The following KLHL15 variants were observed in gnomAD, a reference collection of about 807,000 sequenced individuals.
KLHL15 encodes the protein kelch like family member 15.
Under a neutral mutation model 29.3 loss-of-function variants are expected in KLHL15, and 1 was observed. The observed-to-expected ratio is 0.03, with a 90% CI of 0.01 to 0.16. KLHL15 has a LOEUF of 0.16. KLHL15 is among the 10% of genes least tolerant of loss of function. The probability of loss-of-function intolerance (pLI) is 1.00; values close to 1 mark genes in which losing one functional copy is unlikely to be tolerated. For missense variants in KLHL15, 215 were observed against 478.5 expected (o/e 0.45, Z 5.14); for synonymous variants, 212 against 184.5 (o/e 1.15, Z -1.21).
chrX:24,009,044 C>T (rs1205224004), intron 2 of KLHL15, among the ~76,000 whole-genome samples: 2 of 111,406 alleles, frequency 1.8e-5, no homozygotes, highest in South Asian at 3.7e-4. Flanking sequence ...TGATCAATCA[C>T]TCTCAAACAT....
At chrX:24,004,297 A>G (rs555761892) in intron 3 of KLHL15, among the ~76,000 whole-genome samples, 4 of 111,115 alleles carry the variant, frequency 3.6e-5, no homozygotes, top group African/African-American at 9.8e-5. Flanking sequence ...TGGAGGCTGC[A>G]GTGAGCTGAG....
chrX:24,026,583 C>T (rs751332419), intron 1 of KLHL15, among the ~76,000 whole-genome samples: 21 of 102,264 alleles, frequency 2.1e-4, no homozygotes, highest in Non-Finnish European at 4.2e-4. Context: ...CCACCCCCCG[C>T]CGCCATTTTC....
At position 24,025,436 on chromosome X, in the gene KLHL15, G is replaced by A. The variant is rs1171765215; in HGVS notation, c.-209-378C>T. Among the ~76,000 whole-genome samples the A allele has an allele frequency of 2.5e-4, 26 of 105,965 alleles. No individual in the cohort carries two copies. The Admixed American group carries it at 2.5e-3, about 10-fold the overall frequency. 92.0% of individuals were successfully genotyped at this position (105,965 alleles called of 115,157 possible). Reference sequence around the variant, plus strand: ...CCCTGCGGGCCGCGGGAGCCGCCCGGGGCCCGCCCAGGGAGGCGGGGCTGG... The same window carrying A: ...CCCTGCGGGCCGCGGGAGCCGCCCGAGGCCCGCCCAGGGAGGCGGGGCTGG... On this transcript the variant is annotated intron_variant, in intron 1 of 3. Coordinates refer to ENST00000328046, the MANE Select transcript of KLHL15 (RefSeq NM_030624.3).
At chrX:23,999,467 C>A (rs1281332122) in intron 3 of KLHL15, among the ~76,000 whole-genome samples, 1 of 108,213 alleles carries the variant, frequency 9.2e-6, no homozygotes, top group Non-Finnish European at 1.9e-5. Flanking sequence ...CGGTGGCGGG[C>A]GCCTGTAATC....
chrX:24,023,730 G>A (rs745887058), intron 2 of KLHL15, among the ~76,000 whole-genome samples: 1 of 112,039 alleles, frequency 8.9e-6, no homozygotes, highest in Non-Finnish European at 1.9e-5. Flanking sequence ...CTCTACCACT[G>A]ATAAACTGTG....
rs10693389 is a variant in KLHL15 at position 24,003,647 on chromosome X, A to ATGTG, written c.705+2338_705+2341dup. Among the ~76,000 whole-genome samples, 468 of 96,467 alleles carry ATGTG rather than the reference A, an allele frequency of 4.9e-3. 2 individuals carry two copies. Among genetic ancestry groups the ATGTG allele is most frequent in the Non-Finnish European group, 6.4e-3 (313 of 49,173 alleles). The allele number at this position is 96,467 out of a possible 115,157, so 83.8% of individuals were successfully genotyped here. A position where few individuals can be genotyped will look rare whatever the true frequency, so the allele number is the denominator to read the frequency against. Reference sequence around the variant, plus strand: ...TTAGTACATGACCTAGCATAAATATATGTGTGTGTGTGTGTGTGTGTGTGT... The same window carrying ATGTG: ...TTAGTACATGACCTAGCATAAATATATGTGTGTGTGTGTGTGTGTGTGTGTGTGT... On this transcript the variant is annotated intron_variant, in intron 3 of 3. Transcript: ENST00000328046.
chrX:24,012,979 GGTCT>G (rs1395148429), intron 2 of KLHL15, among the ~76,000 whole-genome samples: 2 of 110,962 alleles, frequency 1.8e-5, no homozygotes, highest in African/African-American at 6.6e-5. Flanking sequence ...GAACACAAGA[GGTCT>G]ATCTATAATT....
chrX:23,983,926 C>T lies in KLHL15; in HGVS notation c.*3995G>A, dbSNP rs1389144643. On this transcript the variant is annotated 3_prime_UTR_variant, in exon 4 of 4. Transcript: ENST00000328046. ...ATTATTCTAAGATTTTTATATCGGC[C>T]CTAGGATTATTTGACTACTGGCCCA... 9.0e-6 allele frequency: 1 copy of T among 110,778 alleles called. No individual in the cohort carries two copies. The highest frequency in any genetic ancestry group is 3.3e-5 in the African/African-American group (1 of 30,488). 9.1% of individuals were successfully genotyped at this position (110,778 alleles called of 1,213,427 possible).
intron 3 of KLHL15, 42 bp downstream of exon 3, chrX:24,005,947 A>G: frequency 4.9e-6 from 5 of 1,024,600 alleles, no homozygotes; most frequent in Non-Finnish European, 5.4e-6. Context: ...CACTGCCTTA[A>G]CTAAATGATG....
chrX:24,012,949 T>A (rs1312976965), intron 2 of KLHL15, among the ~76,000 whole-genome samples: 2 of 111,778 alleles, frequency 1.8e-5, no homozygotes, highest in African/African-American at 3.3e-5. Flanking sequence ...GAAAGCTATA[T>A]CATTTCATTT....
intron 3 of KLHL15, among the ~76,000 whole-genome samples, chrX:24,000,901 A>G (rs367978863): frequency 8.9e-6 from 1 of 112,694 alleles, no homozygotes; most frequent in East Asian, 2.8e-4. Context: ...GCATGAGATT[A>G]TATTAAGGAC....
intron 3 of KLHL15, among the ~76,000 whole-genome samples, chrX:23,998,263 T>C (rs183810093): frequency 4.4e-4 from 47 of 106,138 alleles, no homozygotes; most frequent in Middle Eastern, 0.011. Flanking sequence ...GCCCAGCAAT[T>C]TTTGTGTGTG....
chrX:24,025,231 G>A (rs1446631279), intron 1 of KLHL15, among the ~76,000 whole-genome samples, 173 bp from the exon 2 acceptor site: 2 of 111,716 alleles, frequency 1.8e-5, no homozygotes, highest in Non-Finnish European at 3.8e-5. Flanking sequence ...CTGGGGGGCA[G>A]CAGGCAGAGA....
chrX:23,990,880 A>T (rs754553999), intron 3 of KLHL15, among the ~76,000 whole-genome samples: 1 of 111,135 alleles, frequency 9.0e-6, no homozygotes, highest in South Asian at 3.8e-4. Flanking sequence ...AAAAAACGTC[A>T]CAAATTTAAG....
chrX:23,988,535 T>C lies in KLHL15; in HGVS notation c.1201A>G (p.Ile401Val). Residue 401 changes from isoleucine to valine, a missense_variant, in exon 4 of 4, where the codon ATC becomes GTC. Transcript: ENST00000328046. ...ETFYSTERYD[I>V]TNDKWEFVDP... Reference sequence around the variant, plus strand: ...ACAAATTCCCATTTATCGTTGGTGATGTCATATCTCTCAGTTGAATAGAAA... The same window carrying C: ...ACAAATTCCCATTTATCGTTGGTGACGTCATATCTCTCAGTTGAATAGAAA... 1 of 1,212,040 alleles carries C rather than the reference T, an allele frequency of 8.3e-7. No homozygotes were observed. Among genetic ancestry groups the C allele is most frequent in the Non-Finnish European group, 1.1e-6 (1 of 895,581 alleles).
intron 3 of KLHL15, among the ~76,000 whole-genome samples, chrX:24,001,802 CAAAAAAA>C (rs766669649): frequency 4.4e-5 from 1 of 22,656 alleles, no homozygotes; most frequent in East Asian, 1.8e-3. Flanking sequence ...AGACTTGACT[CAAAAAAA>C]AAAAAAAAAA....
intron 3 of KLHL15, among the ~76,000 whole-genome samples, chrX:23,999,422 C>G (rs1403336524): frequency 1.9e-5 from 2 of 107,586 alleles, no homozygotes; most frequent in African/African-American, 6.7e-5. Flanking sequence ...GGTGAAACCC[C>G]GTCTCTACTA....
At chrX:24,002,786 A>G (rs890737202) in intron 3 of KLHL15, among the ~76,000 whole-genome samples, 1 of 111,007 alleles carries the variant, frequency 9.0e-6, no homozygotes, top group Non-Finnish European at 1.9e-5. Flanking sequence ...GTGCCCCCAC[A>G]CCCAAATAAT....
intron 1 of KLHL15, 74 bp from the exon 2 acceptor site, chrX:24,025,132 C>G: frequency 6.8e-6 from 2 of 295,328 alleles, no homozygotes; most frequent in Non-Finnish European, 1.2e-5. Context: ...GCGTCGGGGC[C>G]CGGACCGACC....
Sources: gnomAD v4.1 joint callset for allele counts (sites outside exome capture counted in the v4.1 genomes callset) on GRCh38, gnomAD v4.1.1 for gene constraint, MANE v1.5 for transcripts, NCBI Gene and HGNC (gene_info 2026-07-23, HGNC 2026-07-21) for gene names.